The following TTN variants were observed in gnomAD, a reference collection of about 807,000 sequenced individuals.
The protein encoded by TTN is titin.
In TTN, 1,525 loss-of-function variants were observed where a neutral mutation model predicts 3,223.0. That is an observed-to-expected ratio of 0.47 (90% confidence interval 0.45 to 0.49). The LOEUF (loss-of-function observed/expected upper bound fraction) is 0.49. Ranked by LOEUF, TTN falls within the 20% of genes least tolerant of loss-of-function variation. The pLI, the probability that TTN is intolerant of heterozygous loss-of-function variation, is 0.00. For missense variants in TTN, 40,786 were observed against 43,424.0 expected (o/e 0.94, Z 5.40); for synonymous variants, 14,094 against 15,161.0 (o/e 0.93, Z 5.17).
chr2:178,645,787 T>C (rs1008066113), intron 217 of TTN, 133 bp downstream of exon 217: 2 of 523,236 alleles, frequency 3.8e-6, no homozygotes, highest in Non-Finnish European at 6.4e-6. Context: ...GACAGCTCTA[T>C]GCAATCTCAC....
intron 217 of TTN, 191 bp downstream of exon 217, chr2:178,645,729 G>T (rs570999176): frequency 4.3e-5 from 17 of 394,324 alleles, no homozygotes; most frequent in African/African-American, 3.6e-4. Context: ...TTTTGCAGCA[G>T]CAGGCATGGC....
In TTN at chr2:178,776,394, G is replaced by A. The variant is rs190509057; in HGVS notation, c.5470C>T (p.His1824Tyr). ...QRIEELERMA[H>Y]EGALTGVTTD... is the part of the protein sequence containing the mutation. ...GTTACACCTGTAAGTGCACCTTCAT[G>A]AGCCATTCTCTCTAATTCTTCAATT... Residue 1824 changes from histidine to tyrosine, a missense_variant, in exon 28 of 363, where the codon CAT (histidine) becomes TAT (tyrosine). His to Tyr is a moderately conservative substitution (Grantham distance 83). Transcript: ENST00000589042. The A allele has an allele frequency of 3.7e-6, 6 of 1,612,482 alleles. No individual in the cohort carries two copies. The East Asian group carries it at 1.3e-4, about 36-fold the overall frequency.
intron 42 of TTN, 42 bp downstream of exon 42, chr2:178,764,485 C>T: frequency 6.2e-7 from 1 of 1,613,464 alleles, no homozygotes; most frequent in Non-Finnish European, 8.5e-7. Context: ...AAGCCTGCTT[C>T]TTAGGTTTTA....
In TTN at chr2:178,608,997, G is replaced by C. The variant is rs375739809; in HGVS notation, c.52103-89C>G. On this transcript the variant is annotated intron_variant, in intron 273 of 362. Coordinates refer to ENST00000589042, the MANE Select transcript of TTN (RefSeq NM_001267550.2). ...AAATGTGAGCATGCTCCTCTGACAT[G>C]ATTTGTGGTTTTCCCACATCTATCT... The C allele has an allele frequency of 5.8e-4, 863 of 1,484,796 alleles. 11 individuals carry two copies. The South Asian group carries it at 0.01, about 17-fold the overall frequency. The allele number at this position is 1,484,796 out of a possible 1,614,324, so 92.0% of individuals were successfully genotyped here.
Position 178,612,831 on chromosome 2 carries a change from C to T in TTN, c.49890G>A (p.Lys16630=), listed in dbSNP as rs1442542064. The T allele has an allele frequency of 2.5e-6, 4 of 1,612,416 alleles. No individual in the cohort carries two copies. The Admixed American group carries it at 5.0e-5, about 20-fold the overall frequency. The change falls in exon 265 of 363, where the codon AAG becomes AAA. Residue 16630 remains lysine, a synonymous_variant. Transcript: ENST00000589042. ...EYSFRVRAVN[K]AGESEPSEPS... Reference sequence around the variant, plus strand: ...GTTCACTGGGTTCACTTTCCCCAGCCTTATTCACAGCTCTAACTCGGAATG... The same window carrying T: ...GTTCACTGGGTTCACTTTCCCCAGCTTTATTCACAGCTCTAACTCGGAATG...
chr2:178,743,468 C>A (rs373164380), intron 47 of TTN, among the ~76,000 whole-genome samples: 5 of 151,958 alleles, frequency 3.3e-5, no homozygotes, highest in African/African-American at 1.2e-4. Flanking sequence ...TGTTATTCTG[C>A]GTATACTCAA....
chr2:178,662,435 A>G lies in TTN; in HGVS notation c.36959-17T>C. The G allele has an allele frequency of 6.9e-7, 1 of 1,456,306 alleles. No individual in the cohort carries two copies. The highest frequency in any genetic ancestry group is 9.0e-7 in the Non-Finnish European group (1 of 1,116,294). 90.2% of individuals were successfully genotyped at this position (1,456,306 alleles called of 1,614,324 possible). ...CTTCTGGCACTTGAAAGATATTAGT[A>G]GTTTTATACTTAGGTTAATGAAGAG... On this transcript the variant is annotated splice_polypyrimidine_tract_variant and intron_variant, in intron 176 of 362. Transcript: ENST00000589042.
At position 178,538,718 on chromosome 2, in the gene TTN, A is replaced by G. The variant is rs77257306; in HGVS notation, c.99111T>C (p.Tyr33037=). 1.2e-3 allele frequency: 1,928 copies of G among 1,613,738 alleles called. 22 individuals carry two copies. In the African/African-American group the frequency reaches 0.023, roughly 19 times the overall value. Residue 33037 remains tyrosine (Y), a synonymous_variant, in exon 354 of 363, where the codon TAT becomes TAC. Transcript: ENST00000589042. The stretch of plus-strand genomic sequence containing the variant: ...TCCAGGCACTGTCTCCAGACTGTCT[A>G]TATTCAACCCAGTATCCAAGAATTT... ...GKEILGYWVE[Y]RQSGDSAWKK... is the part of the protein sequence containing the mutation.
rs869312065 is a variant in TTN at position 178,548,943 on chromosome 2, G to A, written c.92683C>T (p.Arg30895Ter). 2 of 1,613,868 alleles carry A rather than the reference G, an allele frequency of 1.2e-6. No individual in the cohort carries two copies. Among genetic ancestry groups the A allele is most frequent in the Non-Finnish European group, 1.7e-6 (2 of 1,179,824 alleles). ...CCAGCACCATTGATAGCACTAACTC[G>A]GAATTTGTATTCTTCACCTGCTTGT... is the stretch of plus-strand genomic sequence containing the variant. ...DLQAGEEYKF[R>*]VSAINGAGKG... The change falls in exon 339 of 363, where the codon CGA becomes TGA. Residue 30895 changes from arginine (R) to a stop codon, truncating the protein, a stop_gained. Coordinates refer to ENST00000589042, the MANE Select transcript of TTN (RefSeq NM_001267550.2). LOFTEE classifies it high-confidence loss of function. This position sits in a 1 kb window ranked among gnomAD's most constrained non-coding sequence, Gnocchi z 4.3.
chr2:178,554,475 G>A lies in TTN; in HGVS notation c.88872C>T (p.Ser29624=), dbSNP rs374983712. 8.7e-6 allele frequency: 14 copies of A among 1,613,270 alleles called. No individual in the cohort carries two copies. The highest frequency in any genetic ancestry group is 1.3e-5 in the African/African-American group (1 of 74,906). ...CACCAAATGCGTTCTTGGCTACAAC[G>A]GAATCAGATTCCAGTGGCTCGCCAA... is the stretch of plus-strand genomic sequence containing the variant. ...YGIGEPLESD[S]VVAKNAFVTP... is the part of the protein sequence containing the mutation. The change falls in exon 332 of 363, where the codon TCC becomes TCT. Residue 29624 remains serine (S), a synonymous_variant. Transcript: ENST00000589042.
rs747645787 is a variant in TTN at position 178,579,970 on chromosome 2, G to A, written c.67317C>T (p.Pro22439=). 8 of 1,612,972 alleles carry A rather than the reference G, an allele frequency of 5.0e-6. No homozygotes were observed. The highest frequency in any genetic ancestry group is 2.2e-5 in the South Asian group (2 of 91,044). The change falls in exon 318 of 363, where the codon CCC becomes CCT. Residue 22439 remains proline (P), a synonymous_variant. Coordinates refer to ENST00000589042, the MANE Select transcript of TTN (RefSeq NM_001267550.2). ...CTTTGACAGCATCACGAGTTTCACCGGGATCACCAATGCCATACTCATTTT... is the reference window on the plus strand; with the variant it reads ...CTTTGACAGCATCACGAGTTTCACCAGGATCACCAATGCCATACTCATTTT... ...FAENEYGIGD[P]GETRDAVKAS... is the part of the protein sequence containing the mutation.
At position 178,582,543 on chromosome 2, in the gene TTN, A is replaced by G. The variant is rs1313945258; in HGVS notation, c.65913T>C (p.Asp21971=). 2.5e-6 allele frequency: 4 copies of G among 1,612,488 alleles called. No homozygotes were observed. The highest frequency in any genetic ancestry group is 1.1e-5 in the South Asian group (1 of 90,950). The change falls in exon 314 of 363, where the codon GAT becomes GAC. Residue 21971 remains aspartate (D), a synonymous_variant. Transcript: ENST00000589042. ...GCGGTTCCCAAGAAAGCATAGCACG[A>G]TCTGAATACATTTTGTTGATTTTAA... ...ASVKINKMYS[D]RAMLSWEPPL... is the part of the protein sequence containing the mutation.
In TTN at chr2:178,536,580, T is replaced by A; in HGVS notation, c.100172-5A>T. 6.7e-7 allele frequency: 1 copy of A among 1,488,348 alleles called. No homozygotes were observed. The highest frequency in any genetic ancestry group is 8.9e-7 in the Non-Finnish European group (1 of 1,125,932). The allele number at this position is 1,488,348 out of a possible 1,614,324, so 92.2% of individuals were successfully genotyped here. On this transcript the variant is annotated splice_polypyrimidine_tract_variant and splice_region_variant and intron_variant, in intron 356 of 362. Coordinates refer to ENST00000589042, the MANE Select transcript of TTN (RefSeq NM_001267550.2). ...TGCCAGGAGCACCTGGCTTTTCTAT[T>A]AAACAAAAAAAAGATTTGAGTCATG...
chr2:178,624,422 A>G (rs1354670898), intron 242 of TTN, 43 bp downstream of exon 242: 1 of 1,606,466 alleles, frequency 6.2e-7, no homozygotes, highest in African/African-American at 1.3e-5. Context: ...TGTAGTTATT[A>G]AAGAATTGCA....
chr2:178,563,961 A>G lies in TTN; in HGVS notation c.82171T>C (p.Trp27391Arg), dbSNP rs778983249. ...GVTAEKCYLA[W>R]NPPLQDGGAN... Reference sequence around the variant, plus strand: ...CCACCATCTTGCAAAGGTGGGTTCCATGCCAGGTAACATTTTTCCGCAGTA... The same window carrying G: ...CCACCATCTTGCAAAGGTGGGTTCCGTGCCAGGTAACATTTTTCCGCAGTA... The change falls in exon 326 of 363, where the codon TGG becomes CGG. Residue 27391 changes from tryptophan (W) to arginine (R), a missense_variant. Coordinates refer to ENST00000589042, the MANE Select transcript of TTN (RefSeq NM_001267550.2). The surrounding 1 kb of genome is among the most constrained non-coding windows in gnomAD (Gnocchi z 4.5). The G allele has an allele frequency of 4.3e-6, 7 of 1,613,684 alleles. No individual in the cohort carries two copies. Among genetic ancestry groups the G allele is most frequent in the South Asian group, 1.1e-5 (1 of 91,080 alleles).
Position 178,607,768 on chromosome 2 carries a change from C to T in TTN, c.53002+17G>A. 2 of 1,612,344 alleles carry T rather than the reference C, an allele frequency of 1.2e-6. No individual in the cohort carries two copies. The highest frequency in any genetic ancestry group is 2.2e-5 in the South Asian group (2 of 90,926). On this transcript the variant is annotated intron_variant, in intron 276 of 362. Transcript: ENST00000589042. ...TAGAGAAAATATCCATAATTTTATTCCAATAACGTTAAGTACCTTGTGGTT... is the reference window on the plus strand; with the variant it reads ...TAGAGAAAATATCCATAATTTTATTTCAATAACGTTAAGTACCTTGTGGTT...
intron 38 of TTN, 27 bp downstream of exon 38, chr2:178,768,646 A>G (rs1392716028): frequency 2.5e-6 from 4 of 1,612,766 alleles, no homozygotes; most frequent in Middle Eastern, 3.3e-4. Context: ...CATTTTTTCT[A>G]TGGATCTAAT....
At position 178,577,207 on chromosome 2, in the gene TTN, G is replaced by A. The variant is rs773833922; in HGVS notation, c.69128C>T (p.Pro23043Leu). 3 of 1,612,874 alleles carry A rather than the reference G, an allele frequency of 1.9e-6. No homozygotes were observed. Among genetic ancestry groups the A allele is most frequent in the Non-Finnish European group, 8.5e-7 (1 of 1,179,466 alleles). ...ATTACTGATTTCAACAGGACCTGGG[G>A]GACCAGGTACATCAAGGACTGTTAC... is the stretch of plus-strand genomic sequence containing the variant. ...VKVTVLDVPGPPGPVEISNVS... is the reference protein window; with the variant it reads ...VKVTVLDVPGLPGPVEISNVS... Residue 23043 changes from proline (P) to leucine (L), a missense_variant, in exon 324 of 363, where the codon CCC becomes CTC. Pro to Leu is a moderately conservative substitution (Grantham distance 98). Coordinates refer to ENST00000589042, the MANE Select transcript of TTN (RefSeq NM_001267550.2).
At chr2:178,751,664 C>T (rs764901426) in intron 47 of TTN, 2 of 1,613,354 alleles carry the variant, frequency 1.2e-6, no homozygotes, top group Non-Finnish European at 1.7e-6. Context: ...TGCTAGTAAC[C>T]TATAACTTCC....
Sources: gnomAD v4.1 joint callset for allele counts (sites outside exome capture counted in the v4.1 genomes callset) on GRCh38, gnomAD v4.1.1 for gene constraint, Gnocchi (gnomAD v3.1) non-coding constraint, MANE v1.5 for transcripts, NCBI Gene and HGNC (gene_info 2026-07-23, HGNC 2026-07-21) for gene names.